SEC14L4: variants seen among roughly 807,000 people sequenced by gnomAD.
SEC14L4 encodes the protein SEC14 like lipid binding 4, also known as SEC14-like protein 4.
Under a neutral mutation model 55.1 loss-of-function variants are expected in SEC14L4, and 42 were observed. The observed-to-expected ratio is 0.76, with a 90% CI of 0.60 to 0.99. The LOEUF (loss-of-function observed/expected upper bound fraction) is 0.99, where lower values mean the gene tolerates loss of function less well. SEC14L4 is among the 50% of genes least tolerant of loss of function. The pLI is 0.00. For synonymous variants in SEC14L4, 206 were observed against 206.8 expected (o/e 1.00, Z 0.03); for missense variants, 445 against 512.1 (o/e 0.87, Z 1.27).
At chr22:30,499,131 G>T (rs779601141) in intron 2 of SEC14L4, among the ~76,000 whole-genome samples, 2 of 151,954 alleles carry the variant, frequency 1.3e-5, no homozygotes, top group African/African-American at 4.8e-5. Flanking sequence ...TTTTACTAGA[G>T]ACGGGGTTTC....
At position 30,492,522 on chromosome 22, in the gene SEC14L4, T is replaced by C. The variant is rs746336843; in HGVS notation, c.616A>G (p.Lys206Glu). 25 of 1,613,882 alleles carry C rather than the reference T, an allele frequency of 1.5e-5. No homozygotes were observed. The highest frequency in any genetic ancestry group is 2.0e-5 in the Non-Finnish European group (24 of 1,179,928). ...KLFPVAFNLV[K>E]SFMSEETRRK... ...CGTGTCTCCTCACTCATGAACGACTTGACCAAGTTGAAGGCCACGGGGAAC... is the reference window on the plus strand; with the variant it reads ...CGTGTCTCCTCACTCATGAACGACTCGACCAAGTTGAAGGCCACGGGGAAC... The change falls in exon 8 of 12, where the codon AAG becomes GAG. Residue 206 changes from lysine (K) to glutamate (E), a missense_variant. Lys to Glu is a moderately conservative substitution (Grantham distance 56). Coordinates refer to ENST00000255858, the MANE Select transcript of SEC14L4 (RefSeq NM_174977.4).
intron 6 of SEC14L4, among the ~76,000 whole-genome samples, chr22:30,494,480 G>A (rs1272025932): frequency 1.3e-5 from 2 of 152,132 alleles, no homozygotes; most frequent in African/African-American, 2.4e-5. Context: ...AGATCCTCCC[G>A]CCTCAGCCAC....
At chr22:30,505,380 T>G (rs1936456928) in intron 1 of SEC14L4, among the ~76,000 whole-genome samples, 178 bp downstream of exon 1, 2 of 152,174 alleles carry the variant, frequency 1.3e-5, no homozygotes, top group African/African-American at 4.8e-5. Context: ...GATGGGCCCC[T>G]GTCCCGCGTG....
intron 1 of SEC14L4, 82 bp from the exon 2 acceptor site, chr22:30,503,834 C>T: frequency 1.9e-6 from 2 of 1,054,164 alleles, no homozygotes; most frequent in Non-Finnish European, 2.9e-6. Context: ...CTTCCCACAT[C>T]ATCCACCAGT....
chr22:30,493,287 G>A (rs76047045), intron 7 of SEC14L4, among the ~76,000 whole-genome samples: 1,731 of 152,078 alleles, frequency 0.011, 29 homozygotes, highest in African/African-American at 0.039. Context: ...GCCCTGAATT[G>A]CTCACACTCA....
intron 2 of SEC14L4, among the ~76,000 whole-genome samples, chr22:30,503,138 G>A (rs1936382386): frequency 6.6e-6 from 1 of 152,230 alleles, no homozygotes; most frequent in Non-Finnish European, 1.5e-5. Flanking sequence ...GTGCCCACCT[G>A]TTGCCTCATC....
chr22:30,497,849 G>A (rs1936199421), intron 2 of SEC14L4, among the ~76,000 whole-genome samples: 1 of 152,194 alleles, frequency 6.6e-6, no homozygotes, highest in Non-Finnish European at 1.5e-5. Flanking sequence ...TGATGGAAAT[G>A]TCCTATACCT....
chr22:30,505,297 G>A (rs1399073877), intron 1 of SEC14L4, among the ~76,000 whole-genome samples: 3 of 152,200 alleles, frequency 2.0e-5, no homozygotes, highest in Non-Finnish European at 4.4e-5. Context: ...CACAACCGGG[G>A]AACAAGGACC....
intron 2 of SEC14L4, among the ~76,000 whole-genome samples, chr22:30,501,292 GC>G (rs1183182377): frequency 3.3e-5 from 5 of 152,066 alleles, no homozygotes; most frequent in African/African-American, 4.8e-5. Flanking sequence ...AGGACACCCA[GC>G]CCCCTTCCCA....
rs576851676 is a variant in SEC14L4 at position 30,495,505 on chromosome 22, G to A, written c.235-63C>T. Reference sequence around the variant, plus strand: ...ACCAGGCTGGGTCCCTACTCCATCAGGTGGCTGGACGTGGTAGGTGGGAGA... The same window carrying A: ...ACCAGGCTGGGTCCCTACTCCATCAAGTGGCTGGACGTGGTAGGTGGGAGA... On this transcript the variant is annotated intron_variant, in intron 4 of 11. Transcript: ENST00000255858. 927 of 1,609,004 alleles carry A rather than the reference G, an allele frequency of 5.8e-4. 4 individuals are homozygous for A. In the African/African-American group the frequency reaches 0.011, roughly 19 times the overall value.
chr22:30,497,104 C>A (rs1358521771), intron 2 of SEC14L4, among the ~76,000 whole-genome samples: 1 of 151,988 alleles, frequency 6.6e-6, no homozygotes, highest in Non-Finnish European at 1.5e-5. Context: ...TTTGGGAGAC[C>A]AAGGCGGGCA....
chr22:30,498,207 C>T (rs1000181202), intron 2 of SEC14L4, among the ~76,000 whole-genome samples: 2 of 148,582 alleles, frequency 1.3e-5, no homozygotes, highest in African/African-American at 5.0e-5. Context: ...ACTGCAACCT[C>T]CACCTCCCAG....
chr22:30,491,620 T>G lies in SEC14L4; in HGVS notation c.1034A>C (p.His345Pro). ...GAGGCTCCCATCCTCAGGCACCATG[T>G]GGGCATTGTAGCGCTGGCTGGGCAG... is the stretch of plus-strand genomic sequence containing the variant. ...EVLPSQRYNA[H>P]MVPEDGSLTC... The change falls in exon 11 of 12, where the codon CAC (histidine) becomes CCC (proline). Residue 345 changes from histidine (H) to proline (P), a missense_variant. His to Pro is a moderately conservative substitution (Grantham distance 77). Transcript: ENST00000255858. 6.2e-7 allele frequency: 1 copy of G among 1,614,178 alleles called. No homozygotes were observed. The highest frequency in any genetic ancestry group is 8.5e-7 in the Non-Finnish European group (1 of 1,180,022).
intron 7 of SEC14L4, 42 bp downstream of exon 7, chr22:30,494,108 T>G: frequency 6.8e-7 from 1 of 1,472,340 alleles, no homozygotes; most frequent in South Asian, 1.1e-5. Context: ...CCCCAATTCC[T>G]GCTTCTCCCT....
Position 30,490,214 on chromosome 22 carries a change from T to C in SEC14L4, c.1114A>G (p.Met372Val). The change falls in exon 12 of 12, where the codon ATG becomes GTG. Residue 372 changes from methionine (M) to valine (V), a missense_variant. Transcript: ENST00000255858. ...GTGTAGCTGAGCTTCTTGGCATGCA[T>C]CCGGCTGTAGGTGTTGTCGAAGCGC... is the stretch of plus-strand genomic sequence containing the variant. The part of the protein sequence containing the change: ...VLRFDNTYSR[M>V]HAKKLSYTVE... 6.2e-7 allele frequency: 1 copy of C among 1,614,066 alleles called. No homozygotes were observed.
intron 5 of SEC14L4, 22 bp downstream of exon 5, chr22:30,495,232 C>A: frequency 6.3e-7 from 1 of 1,579,194 alleles, no homozygotes; most frequent in Non-Finnish European, 8.6e-7. Context: ...AGATGAGGCC[C>A]AGCCCCACCC....
At chr22:30,499,187 G>A (rs545757787) in intron 2 of SEC14L4, among the ~76,000 whole-genome samples, 5 of 151,594 alleles carry the variant, frequency 3.3e-5, no homozygotes, top group African/African-American at 4.8e-5. Flanking sequence ...CACCGCGCCC[G>A]GCCAGTCATG....
At chr22:30,491,389 T>G (rs1935945384) in intron 11 of SEC14L4, 184 bp downstream of exon 11, 1 of 665,732 alleles carries the variant, frequency 1.5e-6, no homozygotes, top group Admixed American at 2.9e-5. Context: ...TACCAGCTCT[T>G]CCCCCACAAT....
At chr22:30,502,659 TCTCAC>T (rs1217447179) in intron 2 of SEC14L4, among the ~76,000 whole-genome samples, 5 of 152,154 alleles carry the variant, frequency 3.3e-5, no homozygotes, top group African/African-American at 1.2e-4. Context: ...CAAGTGATCC[TCTCAC>T]CTCAGCCTCC....
Sources: gnomAD v4.1 joint callset for allele counts (sites outside exome capture counted in the v4.1 genomes callset) on GRCh38, gnomAD v4.1.1 for gene constraint, MANE v1.5 for transcripts, NCBI Gene and HGNC (gene_info 2026-07-23, HGNC 2026-07-21) for gene names.